SLC41A2: variants seen among roughly 807,000 people sequenced by gnomAD.
The protein encoded by SLC41A2 is solute carrier family 41 member 2.
SLC41A2 carries 32 observed loss-of-function variants against 58.3 expected under a neutral mutation model. The observed-to-expected ratio is 0.55, with a 90% CI of 0.41 to 0.74. The LOEUF (loss-of-function observed/expected upper bound fraction) is 0.74. Ranked by LOEUF, SLC41A2 falls within the 30% of genes least tolerant of loss-of-function variation. SLC41A2 has a pLI of 0.00. For missense variants in SLC41A2, 514 were observed against 680.6 expected, an observed-to-expected ratio of 0.76 and a Z score of 2.72; for synonymous variants, 190 against 235.0, an observed-to-expected ratio of 0.81 and a Z score of 1.75.
intron 10 of SLC41A2, among the ~76,000 whole-genome samples, chr12:104,839,631 G>A (rs949919632): frequency 2.6e-5 from 4 of 151,996 alleles, no homozygotes; most frequent in Middle Eastern, 6.8e-3. Context: ...AGCCTCCTGA[G>A]TAGCTGGGAT....
chr12:104,853,914 T>TTATTATTATTA (rs2042910944), intron 8 of SLC41A2, among the ~76,000 whole-genome samples: 18 of 29,240 alleles, frequency 6.2e-4, no homozygotes, highest in Non-Finnish European at 1.4e-3. Flanking sequence ...CTGGCTGATT[T>TTATTATTATTA]TTTTTTTTTT....
chr12:104,951,768 G>C (rs202050542), intron 1 of SLC41A2, among the ~76,000 whole-genome samples: 7 of 150,860 alleles, frequency 4.6e-5, no homozygotes, highest in African/African-American at 1.7e-4. Flanking sequence ...ATTTAGGTTG[G>C]TGCAAAAGTA....
chr12:104,892,424 C>T (rs1428572294), intron 4 of SLC41A2, among the ~76,000 whole-genome samples: 2 of 151,654 alleles, frequency 1.3e-5, no homozygotes, highest in African/African-American at 2.4e-5. Context: ...TTAAAATGTC[C>T]ATATAACCCA....
At chr12:104,936,264 T>C (rs1291675280) in intron 1 of SLC41A2, among the ~76,000 whole-genome samples, 1 of 152,228 alleles carries the variant, frequency 6.6e-6, no homozygotes, top group Non-Finnish European at 1.5e-5. Context: ...TACTATACTA[T>C]ACTTTTTATA....
intron 4 of SLC41A2, among the ~76,000 whole-genome samples, chr12:104,893,690 A>T (rs2045131182): frequency 6.6e-6 from 1 of 152,206 alleles, no homozygotes; most frequent in Admixed American, 6.5e-5. Flanking sequence ...AAAGAATGAT[A>T]TCTGTCATTT....
chr12:104,870,934 C>T (rs939581700), intron 6 of SLC41A2, among the ~76,000 whole-genome samples: 1 of 152,040 alleles, frequency 6.6e-6, no homozygotes, highest in Non-Finnish European at 1.5e-5. Context: ...TCACTCTAAC[C>T]TAAGATGGTA....
intron 6 of SLC41A2, among the ~76,000 whole-genome samples, chr12:104,868,452 C>G (rs1189438030): frequency 6.6e-6 from 1 of 152,078 alleles, no homozygotes; most frequent in Non-Finnish European, 1.5e-5. Flanking sequence ...ACGCACCCAC[C>G]ACACCCACCC....
rs2045263717 is a variant in SLC41A2, at chr12:104,895,998, AT to A, written c.664-654del. Reference sequence around the variant, plus strand: ...CAACCACTTAGAATTCAAAAAGTGTATTTCCAAATCTGCCAAGTTTTTCTAA... The same window carrying A: ...CAACCACTTAGAATTCAAAAAGTGTATTCCAAATCTGCCAAGTTTTTCTAA... On this transcript the variant is annotated intron_variant, in intron 3 of 10. Transcript: ENST00000258538. Among the ~76,000 whole-genome samples the A allele has an allele frequency of 7.2e-5, 11 of 152,314 alleles. No homozygotes were observed. The South Asian group carries it at 2.3e-3, about 32-fold the overall frequency.
chr12:104,857,856 TGGGGGGA>T (rs1565846662), intron 8 of SLC41A2, among the ~76,000 whole-genome samples: 1 of 62,844 alleles, frequency 1.6e-5, no homozygotes, highest in African/African-American at 6.6e-5. Flanking sequence ...TGTTGTGGGG[TGGGGGGA>T]GGGGGGAGGG....
intron 10 of SLC41A2, among the ~76,000 whole-genome samples, chr12:104,816,206 G>GA (rs2041397448): frequency 6.6e-6 from 1 of 151,634 alleles, no homozygotes; most frequent in Non-Finnish European, 1.5e-5. Context: ...TTGTAGATAC[G>GA]AAAAAACAAA....
intron 2 of SLC41A2, among the ~76,000 whole-genome samples, chr12:104,913,057 A>AATGAAATACTTATGGGAGAATTACT (rs2046154697): frequency 6.6e-6 from 1 of 152,180 alleles, no homozygotes; most frequent in Admixed American, 6.5e-5. Context: ...ATTCAACTCA[A>AATGAAATACTTATGGGAGAATTACT]ATGAAATACT....
intron 3 of SLC41A2, among the ~76,000 whole-genome samples, chr12:104,908,235 A>G (rs1056849004): frequency 6.6e-6 from 1 of 152,236 alleles, no homozygotes; most frequent in Admixed American, 6.5e-5. Flanking sequence ...ACTGTACTCC[A>G]GTCTGGGCAA....
At chr12:104,809,704 T>G (rs375462308) in intron 10 of SLC41A2, among the ~76,000 whole-genome samples, 1 of 152,162 alleles carries the variant, frequency 6.6e-6, no homozygotes, top group Admixed American at 6.5e-5. Flanking sequence ...AGCCTAGTAT[T>G]CTCATTTGAA....
intron 2 of SLC41A2, among the ~76,000 whole-genome samples, chr12:104,923,134 G>A (rs1181617688): frequency 3.4e-5 from 5 of 148,616 alleles, no homozygotes; most frequent in African/African-American, 9.9e-5. Flanking sequence ...AGGCCGAGGC[G>A]TGTGGGTCAC....
intron 6 of SLC41A2, among the ~76,000 whole-genome samples, chr12:104,882,432 G>C (rs2044425936): frequency 6.6e-6 from 1 of 152,076 alleles, no homozygotes; most frequent in South Asian, 2.1e-4. Context: ...TTTACAATTT[G>C]GCATGTTTTT....
At chr12:104,849,475 A>C (rs2042724322) in intron 8 of SLC41A2, among the ~76,000 whole-genome samples, 1 of 152,224 alleles carries the variant, frequency 6.6e-6, no homozygotes, top group African/African-American at 2.4e-5. Flanking sequence ...CTCTTACACA[A>C]AGCTAGCAAG....
chr12:104,833,928 G>T, intron 10 of SLC41A2: 1 of 760,204 alleles, frequency 1.3e-6, no homozygotes, highest in Non-Finnish European at 1.6e-6. Context: ...TAGATGATGT[G>T]AAAATTCCTC....
In SLC41A2 at chr12:104,927,963, G is replaced by A. The variant is rs766427084; in HGVS notation, c.555+10C>T. 1.3e-6 allele frequency: 2 copies of A among 1,538,988 alleles called. No individual in the cohort carries two copies. The highest frequency in any genetic ancestry group is 2.3e-5 in the East Asian group (1 of 44,130). Reference sequence around the variant, plus strand: ...AAAGACAGTAAAGTTAAATAAAGATGAAAACCCACCTGTACTATATCCAGT... The same window carrying A: ...AAAGACAGTAAAGTTAAATAAAGATAAAAACCCACCTGTACTATATCCAGT... On this transcript the variant is annotated intron_variant, in intron 2 of 10. Coordinates refer to ENST00000258538, the MANE Select transcript of SLC41A2 (RefSeq NM_001352171.3).
chr12:104,841,099 T>TGG, intron 10 of SLC41A2, among the ~76,000 whole-genome samples: 1 of 152,114 alleles, frequency 6.6e-6, no homozygotes, highest in African/African-American at 2.4e-5. Flanking sequence ...ATCACTCAGT[T>TGG]TCATCTATTA....
Sources: gnomAD v4.1 joint callset for allele counts (sites outside exome capture counted in the v4.1 genomes callset) on GRCh38, gnomAD v4.1.1 for gene constraint, MANE v1.5 for transcripts, NCBI Gene and HGNC (gene_info 2026-07-23, HGNC 2026-07-21) for gene names.